FRAS1: variants seen among roughly 807,000 people sequenced by gnomAD.
FRAS1 encodes extracellular matrix organizing protein FRAS1.
In FRAS1, 290 loss-of-function variants were observed where a neutral mutation model predicts 435.2. That is an observed-to-expected ratio of 0.67 (90% CI 0.61 to 0.73). The LOEUF is 0.73. FRAS1 is among the 30% of genes least tolerant of loss of function. FRAS1 has a pLI of 0.00. For missense variants in FRAS1, 4,860 were observed against 5,001.5 expected (o/e 0.97, Z 0.85); for synonymous variants, 1,800 against 1,851.0 (o/e 0.97, Z 0.71).
intron 19 of FRAS1, among the ~76,000 whole-genome samples, chr4:78,336,449 G>A (rs1319233702): frequency 2.6e-5 from 4 of 152,170 alleles, no homozygotes; most frequent in African/African-American, 9.6e-5. Flanking sequence ...CCAGCAGATG[G>A]ATGGTACCAT....
chr4:78,406,165 A>G (rs1214768747), intron 30 of FRAS1, among the ~76,000 whole-genome samples: 1 of 152,242 alleles, frequency 6.6e-6, no homozygotes, highest in African/African-American at 2.4e-5. Context: ...CTTCATGACC[A>G]GCTTCATGAT....
chr4:78,088,818 T>G (rs928246113), intron 2 of FRAS1, among the ~76,000 whole-genome samples: 3 of 152,210 alleles, frequency 2.0e-5, no homozygotes, highest in Non-Finnish European at 4.4e-5. Flanking sequence ...GGGACACTTT[T>G]ACACTGTTGG....
intron 66 of FRAS1, among the ~76,000 whole-genome samples, chr4:78,518,061 G>A (rs1721263407): frequency 6.6e-6 from 1 of 152,132 alleles, no homozygotes; most frequent in Admixed American, 6.6e-5. Context: ...AAGCTGCAGT[G>A]AGCTATGATG....
chr4:78,166,269 A>G (rs1721327293), intron 2 of FRAS1, among the ~76,000 whole-genome samples: 1 of 152,280 alleles, frequency 6.6e-6, no homozygotes, highest in African/African-American at 2.4e-5. Flanking sequence ...TAAGGCTCAT[A>G]TATTAAAAAA....
chr4:78,297,974 A>G (rs1728213600), intron 14 of FRAS1, among the ~76,000 whole-genome samples: 1 of 149,334 alleles, frequency 6.7e-6, no homozygotes, highest in Non-Finnish European at 1.5e-5. Context: ...ATGGGTAACT[A>G]TATGGGAAGA....
intron 2 of FRAS1, among the ~76,000 whole-genome samples, chr4:78,213,869 G>A (rs1401733763): frequency 1.3e-5 from 2 of 152,196 alleles, no homozygotes; most frequent in Non-Finnish European, 2.9e-5. Flanking sequence ...AAGATCAAAA[G>A]TTAGTCACCT....
At chr4:78,495,497 A>G (rs942327697) in intron 59 of FRAS1, among the ~76,000 whole-genome samples, 9 of 152,270 alleles carry the variant, frequency 5.9e-5, no homozygotes, top group African/African-American at 2.2e-4. Flanking sequence ...TATGACTCAT[A>G]AAAGCCTGTC....
chr4:78,068,974 T>C (rs1050772360), intron 2 of FRAS1, among the ~76,000 whole-genome samples: 3 of 152,226 alleles, frequency 2.0e-5, no homozygotes, highest in South Asian at 2.1e-4. Flanking sequence ...TGTATGTTCA[T>C]GTATTTTGAA....
At chr4:78,392,899 T>C (rs1009699918) in intron 29 of FRAS1, among the ~76,000 whole-genome samples, 3 of 151,962 alleles carry the variant, frequency 2.0e-5, no homozygotes, top group Non-Finnish European at 4.4e-5. Flanking sequence ...AAAGATGATA[T>C]ATACCCTTCT....
chr4:78,408,948 A>T (rs1225998794), intron 31 of FRAS1, among the ~76,000 whole-genome samples: 1 of 151,712 alleles, frequency 6.6e-6, no homozygotes, highest in African/African-American at 2.4e-5. Context: ...ACATGGTGAA[A>T]CCCTGTCTCG....
intron 2 of FRAS1, among the ~76,000 whole-genome samples, chr4:78,232,169 T>A (rs1021615791): frequency 6.6e-6 from 1 of 152,218 alleles, no homozygotes; most frequent in African/African-American, 2.4e-5. Flanking sequence ...ATAATTGATT[T>A]GTAAAGATTA....
chr4:78,222,313 C>T (rs2110097659), intron 2 of FRAS1, among the ~76,000 whole-genome samples: 1 of 152,324 alleles, frequency 6.6e-6, no homozygotes, highest in African/African-American at 2.4e-5. Context: ...TTGCTGTCCA[C>T]TGTGTGGTCT....
At chr4:78,221,028 TGTG>T (rs764124320) in intron 2 of FRAS1, among the ~76,000 whole-genome samples, 8 of 152,022 alleles carry the variant, frequency 5.3e-5, no homozygotes, top group Non-Finnish European at 7.4e-5. Flanking sequence ...ATTAGCCAGA[TGTG>T]GTGGTGTGCA....
At chr4:78,489,626 T>C (rs1425465027) in intron 59 of FRAS1, among the ~76,000 whole-genome samples, 1 of 152,212 alleles carries the variant, frequency 6.6e-6, no homozygotes, top group East Asian at 1.9e-4. Flanking sequence ...CTATTCCTTC[T>C]TTGTCTCCCA....
chr4:78,387,965 C>A (rs1193010387), intron 29 of FRAS1, among the ~76,000 whole-genome samples: 1 of 152,114 alleles, frequency 6.6e-6, no homozygotes, highest in Non-Finnish European at 1.5e-5. Flanking sequence ...ATCCACTAAT[C>A]CTTTTGTCTC....
At chr4:78,316,230 A>C (rs1729239010) in intron 16 of FRAS1, among the ~76,000 whole-genome samples, 1 of 152,196 alleles carries the variant, frequency 6.6e-6, no homozygotes, top group Non-Finnish European at 1.5e-5. Context: ...TGCAGCCTAA[A>C]CTATGAAACA....
intron 14 of FRAS1, among the ~76,000 whole-genome samples, chr4:78,304,602 A>G (rs1225019563): frequency 2.0e-5 from 3 of 151,748 alleles, no homozygotes; most frequent in East Asian, 1.9e-4. Flanking sequence ...GGGAGAGTGT[A>G]TGTGTCGAGG....
intron 2 of FRAS1, among the ~76,000 whole-genome samples, chr4:78,207,767 C>T (rs961464569): frequency 7.2e-5 from 11 of 152,220 alleles, no homozygotes; most frequent in Non-Finnish European, 1.5e-4. Context: ...GTTCTTTCCT[C>T]TGCGTTCAAG....
rs372097379 is a variant in FRAS1, at chr4:78,540,822, A to G, written c.11737A>G (p.Ile3913Val). Reference sequence around the variant, plus strand: ...GTCCATTGGCAGTGCCCTGGCTGCAATCATGCTTCTACTTCTGGTGTTTTT... The same window carrying G: ...GTCCATTGGCAGTGCCCTGGCTGCAGTCATGCTTCTACTTCTGGTGTTTTT... The part of the protein sequence containing the change: ...GASIGSALAA[I>V]MLLLLVFLVA... The change falls in exon 74 of 74, where the codon ATC (isoleucine) becomes GTC (valine). Residue 3913 changes from isoleucine to valine, a missense_variant. By Grantham distance (29) the Ile-to-Val change is conservative. Transcript: ENST00000512123. 8.7e-6 allele frequency: 14 copies of G among 1,613,894 alleles called. No homozygotes were observed. Among genetic ancestry groups the G allele is most frequent in the South Asian group, 1.1e-5 (1 of 91,088 alleles).
Sources: allele counts gnomAD v4.1 joint callset (sites outside exome capture counted in the v4.1 genomes callset), GRCh38; gene constraint gnomAD v4.1.1; transcripts MANE v1.5; gene names NCBI Gene and HGNC (gene_info 2026-07-23, HGNC 2026-07-21).